The following PDE4B variants were observed in gnomAD, a reference collection of about 807,000 sequenced individuals.
PDE4B encodes phosphodiesterase 4B, also known as 3',5'-cyclic-AMP phosphodiesterase 4B.
PDE4B carries 20 observed loss-of-function variants against 82.2 expected under a neutral mutation model. The observed-to-expected ratio is 0.24, with a 90% CI of 0.17 to 0.35. PDE4B has a LOEUF of 0.35. PDE4B is among the 10% of genes least tolerant of loss of function. The pLI is 1.00. For synonymous variants in PDE4B, 320 were observed against 318.9 expected (o/e 1.00, Z -0.04); for missense variants, 655 against 907.2 (o/e 0.72, Z 3.57).
At chr1:65,935,539 CAAAT>C (rs903388504) in intron 3 of PDE4B, among the ~76,000 whole-genome samples, 2 of 151,684 alleles carry the variant, frequency 1.3e-5, no homozygotes, top group African/African-American at 4.9e-5. Context: ...AATTTACAAA[CAAAT>C]ATTTTTCTTC....
intron 3 of PDE4B, among the ~76,000 whole-genome samples, chr1:66,190,439 C>G (rs2101471363): frequency 6.6e-6 from 1 of 152,320 alleles, no homozygotes; most frequent in South Asian, 2.1e-4. Context: ...GAGGTGGAGT[C>G]TACAGAGGCA....
chr1:65,847,768 A>G (rs1391823686), intron 1 of PDE4B, among the ~76,000 whole-genome samples: 1 of 152,226 alleles, frequency 6.6e-6, no homozygotes, highest in Non-Finnish European at 1.5e-5. Flanking sequence ...TCTTTAGTAT[A>G]CTATCATCAT....
chr1:66,236,936 C>T (rs1405778717), intron 3 of PDE4B, among the ~76,000 whole-genome samples: 6 of 152,142 alleles, frequency 3.9e-5, no homozygotes, highest in Non-Finnish European at 5.9e-5. Context: ...TGAATTTTCA[C>T]GTCTATAAAA....
intron 3 of PDE4B, among the ~76,000 whole-genome samples, chr1:66,063,816 TGA>T (rs1228602154): frequency 6.6e-6 from 1 of 151,964 alleles, no homozygotes; most frequent in Admixed American, 6.6e-5. Context: ...TTCAAATAAA[TGA>T]ATGATCAAGG....
In PDE4B at chr1:66,099,895, C is replaced by G. The variant is rs192034951; in HGVS notation, c.282-147565C>G. ...AATGCTGCCGCTTCCTGCAAGACAC[C>G]ATACTCAGATAATCTCTCATGTTTC... On this transcript the variant is annotated intron_variant, in intron 3 of 16. Coordinates refer to ENST00000341517, the MANE Select transcript of PDE4B (RefSeq NM_002600.4). 7.8e-4 allele frequency among the ~76,000 whole-genome samples: 119 copies of G among 152,194 alleles called. 1 individual carries two copies. The East Asian group carries it at 0.011, about 14-fold the overall frequency.
At chr1:65,932,147 A>C (rs1212308781) in intron 3 of PDE4B, among the ~76,000 whole-genome samples, 1 of 151,350 alleles carries the variant, frequency 6.6e-6, no homozygotes, top group South Asian at 2.1e-4. Context: ...GGCATACTCT[A>C]GCTGCCTTGG....
intron 3 of PDE4B, among the ~76,000 whole-genome samples, chr1:65,982,814 T>A (rs1557475714): frequency 6.6e-6 from 1 of 152,150 alleles, no homozygotes; most frequent in Admixed American, 6.5e-5. Flanking sequence ...TGCAGATAGT[T>A]TTTAAGAAAA....
intron 3 of PDE4B, among the ~76,000 whole-genome samples, chr1:65,974,066 G>A (rs1650283068): frequency 6.6e-6 from 1 of 152,080 alleles, no homozygotes; most frequent in Non-Finnish European, 1.5e-5. Flanking sequence ...GCCTGCCTCA[G>A]CCTCCCAAAG....
rs147483600 is a variant in PDE4B at position 66,145,177 on chromosome 1, A to T, written c.282-102283A>T. Among the ~76,000 whole-genome samples, 1,262 of 152,308 alleles carry T rather than the reference A, an allele frequency of 8.3e-3. 26 individuals carry two copies. The highest frequency in any genetic ancestry group is 0.028 in the African/African-American group (1,179 of 41,554). On this transcript the variant is annotated intron_variant, in intron 3 of 16. Transcript: ENST00000341517. ...CCCCCTATATGACAGACACCATGGA[A>T]GGTGATGAGAAAACAAAGTAGGGTG...
chr1:66,127,217 G>A (rs1300894899), intron 3 of PDE4B, among the ~76,000 whole-genome samples: 1 of 151,914 alleles, frequency 6.6e-6, no homozygotes, highest in Non-Finnish European at 1.5e-5. Context: ...CATCTCGCAT[G>A]AAGGTATGGC....
intron 1 of PDE4B, among the ~76,000 whole-genome samples, chr1:65,878,302 C>A (rs1279541314): frequency 6.6e-6 from 1 of 152,070 alleles, no homozygotes; most frequent in Non-Finnish European, 1.5e-5. Flanking sequence ...ATTAGTTCAA[C>A]CATTATGGAA....
intron 3 of PDE4B, among the ~76,000 whole-genome samples, chr1:65,984,243 A>G (rs1474796745): frequency 1.3e-5 from 2 of 152,238 alleles, no homozygotes; most frequent in African/African-American, 2.4e-5. Context: ...TTTAAACGCT[A>G]TATGATTCCA....
chr1:66,041,699 A>G (rs1654381658), intron 3 of PDE4B, among the ~76,000 whole-genome samples: 1 of 151,810 alleles, frequency 6.6e-6, no homozygotes, highest in African/African-American at 2.4e-5. Context: ...GCTTTGTAAC[A>G]GCATTAATCA....
At chr1:65,884,294 T>C (rs1333002050) in intron 1 of PDE4B, among the ~76,000 whole-genome samples, 1 of 152,164 alleles carries the variant, frequency 6.6e-6, no homozygotes, top group African/African-American at 2.4e-5. Flanking sequence ...TCTTGGGCTT[T>C]TTTTGGTTGG....
chr1:66,081,316 C>T (rs891991597), intron 3 of PDE4B, among the ~76,000 whole-genome samples: 5 of 152,066 alleles, frequency 3.3e-5, no homozygotes, highest in Non-Finnish European at 7.4e-5. Context: ...AGTGCTAGGT[C>T]CTCTTCACTT....
chr1:66,274,652 T>C (rs113402625), intron 7 of PDE4B, among the ~76,000 whole-genome samples: 2 of 152,308 alleles, frequency 1.3e-5, no homozygotes, highest in African/African-American at 4.8e-5. Context: ...AATTGCCTCG[T>C]CTCCAAAATT....
chr1:66,054,575 G>C (rs1655205450), intron 3 of PDE4B, among the ~76,000 whole-genome samples: 1 of 152,100 alleles, frequency 6.6e-6, no homozygotes, highest in Non-Finnish European at 1.5e-5. Context: ...TTGACAATTG[G>C]CTGTTTAATT....
chr1:66,299,738 T>G (rs1324447852), intron 7 of PDE4B, among the ~76,000 whole-genome samples: 1 of 152,214 alleles, frequency 6.6e-6, no homozygotes, highest in Non-Finnish European at 1.5e-5. Flanking sequence ...TTTTTTATCT[T>G]TCTGATAATG....
intron 1 of PDE4B, among the ~76,000 whole-genome samples, chr1:65,804,665 G>A (rs1239310571): frequency 2.0e-5 from 3 of 152,038 alleles, no homozygotes; most frequent in Admixed American, 6.6e-5. Context: ...CACCACTAGA[G>A]GTCCAGCTGT....
Sources: allele counts gnomAD v4.1 joint callset (sites outside exome capture counted in the v4.1 genomes callset), GRCh38; gene constraint gnomAD v4.1.1; transcripts MANE v1.5; gene names NCBI Gene and HGNC (gene_info 2026-07-23, HGNC 2026-07-21).